Variants in SMAP2 observed in about 807,000 individuals in gnomAD.
SMAP2 encodes stromal membrane-associated protein 2.
In SMAP2, 25 loss-of-function variants were observed where a neutral mutation model predicts 56.4. That is an observed-to-expected ratio of 0.44 (90% CI 0.32 to 0.62). The LOEUF (loss-of-function observed/expected upper bound fraction) is 0.62. SMAP2 is among the 20% of genes least tolerant of loss of function. The probability of loss-of-function intolerance (pLI) is 0.04; values close to 1 mark genes in which losing one functional copy is unlikely to be tolerated. For synonymous variants in SMAP2, 157 were observed against 181.7 expected (o/e 0.86, Z 1.09); for missense variants, 388 against 545.6 (o/e 0.71, Z 2.88).
rs560594679 is a variant in SMAP2, at chr1:40,380,934, T to C, written c.103+6711T>C. Among the ~76,000 whole-genome samples the C allele has an allele frequency of 1.2e-3, 180 of 152,320 alleles. 1 individual carries two copies. Among genetic ancestry groups the C allele is most frequent in the African/African-American group, 3.9e-3 (162 of 41,564 alleles). ...GCCTTTCTCTAGCCAAGATCACATA[T>C]ATTTCTGGTTTTTTATAGCTAGTGC... On this transcript the variant is annotated intron_variant, in intron 1 of 9. Transcript: ENST00000372718.
At chr1:40,389,952 A>G (rs1475480762) in intron 1 of SMAP2, among the ~76,000 whole-genome samples, 1 of 120,048 alleles carries the variant, frequency 8.3e-6, no homozygotes, top group Non-Finnish European at 1.6e-5. Context: ...CCCTGAGTTC[A>G]TCTGCCTAAT....
chr1:40,390,920 AT>A (rs1383292951), intron 1 of SMAP2, among the ~76,000 whole-genome samples: 2 of 152,218 alleles, frequency 1.3e-5, no homozygotes, highest in African/African-American at 4.8e-5. Flanking sequence ...AAATTGACAT[AT>A]TCTTATGTCT....
chr1:40,421,961 C>G lies in SMAP2; in HGVS notation c.1165-15C>G, dbSNP rs201420319. ...GCCCACAGCCTGGTCTGAAAGTCTCCTCTCTCCCTTTCAGATGACCCAGCA... is the reference window on the plus strand; with the variant it reads ...GCCCACAGCCTGGTCTGAAAGTCTCGTCTCTCCCTTTCAGATGACCCAGCA... On this transcript the variant is annotated splice_polypyrimidine_tract_variant and intron_variant, in intron 9 of 9. Coordinates refer to ENST00000372718, the MANE Select transcript of SMAP2 (RefSeq NM_022733.3). The G allele has an allele frequency of 6.8e-6, 11 of 1,614,030 alleles. No homozygotes were observed. Among genetic ancestry groups the G allele is most frequent in the Non-Finnish European group, 9.3e-6 (11 of 1,179,958 alleles).
At chr1:40,377,782 C>T (rs1350574199) in intron 1 of SMAP2, among the ~76,000 whole-genome samples, 3 of 152,152 alleles carry the variant, frequency 2.0e-5, no homozygotes, top group Non-Finnish European at 2.9e-5. Flanking sequence ...CTAAGCCACC[C>T]CGTCAGAGAC....
At chr1:40,417,201 A>G in intron 9 of SMAP2, 105 bp downstream of exon 9, 1 of 682,782 alleles carries the variant, frequency 1.5e-6, no homozygotes, top group Non-Finnish European at 2.4e-6. Flanking sequence ...TGTAGATGAG[A>G]TAATGTAAGA....
Position 40,396,973 on chromosome 1 carries a change from A to C in SMAP2, c.104-9763A>C, listed in dbSNP as rs184252953. On this transcript the variant is annotated intron_variant, in intron 1 of 9. Coordinates refer to ENST00000372718, the MANE Select transcript of SMAP2 (RefSeq NM_022733.3). ...TCCAAATTTTGGGTCAGAGTTAATG[A>C]CAAGTTATGTCACGTAGAATTAATC... is the stretch of plus-strand genomic sequence containing the variant. 6 of 334,320 alleles carry C rather than the reference A, an allele frequency of 1.8e-5. No homozygotes were observed. In the Admixed American group the frequency reaches 3.2e-4, roughly 18 times the overall value. The allele number at this position is 334,320 out of a possible 1,614,324, so 20.7% of individuals were successfully genotyped here.
chr1:40,414,381 T>G (rs976496175), intron 6 of SMAP2, 141 bp downstream of exon 6: 3 of 769,318 alleles, frequency 3.9e-6, no homozygotes, highest in Non-Finnish European at 6.4e-6. Flanking sequence ...CTGATCTGTT[T>G]TACATCTGAG....
chr1:40,373,985 G>C lies in SMAP2; in HGVS notation c.-136G>C. 1.6e-6 allele frequency: 1 copy of C among 638,796 alleles called. No homozygotes were observed. The allele number at this position is 638,796 out of a possible 1,614,324, so 39.6% of individuals were successfully genotyped here. On this transcript the variant is annotated 5_prime_UTR_variant, in exon 1 of 10. Transcript: ENST00000372718. ...CGACCCGGGAAGGGGCGTCCGGCGG[G>C]GCCGGAGGAGAGGGCTCTCCCCGCT...
chr1:40,413,014 A>G lies in SMAP2; in HGVS notation c.403-2A>G. 6.2e-7 allele frequency: 1 copy of G among 1,606,152 alleles called. No homozygotes were observed. Among genetic ancestry groups the G allele is most frequent in the Non-Finnish European group, 8.5e-7 (1 of 1,175,820 alleles). Reference sequence around the variant, plus strand: ...GTTCTTTGTCTTGTTAAATCATTATAGAAAGAAAAAGATGACAAGTGGAAA... The same window carrying G: ...GTTCTTTGTCTTGTTAAATCATTATGGAAAGAAAAAGATGACAAGTGGAAA... On this transcript the variant is annotated splice_acceptor_variant, in intron 4 of 9. Coordinates refer to ENST00000372718, the MANE Select transcript of SMAP2 (RefSeq NM_022733.3). LOFTEE classifies it high-confidence loss of function.
intron 1 of SMAP2, among the ~76,000 whole-genome samples, chr1:40,402,383 T>G (rs1407360199): frequency 6.6e-6 from 1 of 152,228 alleles, no homozygotes; most frequent in Non-Finnish European, 1.5e-5. Context: ...TATGGTAGAT[T>G]ATTATTTACT....
chr1:40,354,206 A>T (rs1557821252), intron 1 of SMAP2, among the ~76,000 whole-genome samples: 1 of 152,186 alleles, frequency 6.6e-6, no homozygotes, highest in Non-Finnish European at 1.5e-5. Context: ...ACAAGCAGAG[A>T]AAAATCCAGA....
intron 1 of SMAP2, among the ~76,000 whole-genome samples, chr1:40,391,249 GTTA>G (rs1264200336): frequency 6.6e-6 from 1 of 152,212 alleles, no homozygotes; most frequent in Non-Finnish European, 1.5e-5. Context: ...CAGTTTTCAT[GTTA>G]TTCCACTATT....
rs538810973 is a variant in SMAP2, at chr1:40,415,525, AT to A, written c.681+147del. ...TTCATTCTTCCCTTAACATTGTGTC[AT>A]TTCTGTCACAGTCTAAGATTGCTGT... On this transcript the variant is annotated intron_variant, in intron 7 of 9. Transcript: ENST00000372718. The A allele has an allele frequency of 2.1e-4, 146 of 679,932 alleles. No individual in the cohort carries two copies. In the African/African-American group the frequency reaches 2.3e-3, roughly 11 times the overall value. 42.1% of individuals were successfully genotyped at this position (679,932 alleles called of 1,614,324 possible).
chr1:40,349,647 T>A (rs1405168281), intron 1 of SMAP2, among the ~76,000 whole-genome samples: 3 of 152,068 alleles, frequency 2.0e-5, no homozygotes, highest in African/African-American at 7.2e-5. Context: ...GCCTCCCGAG[T>A]AGCTGGGATT....
At chr1:40,421,511 T>C (rs79157353) in intron 9 of SMAP2, among the ~76,000 whole-genome samples, 1 of 151,998 alleles carries the variant, frequency 6.6e-6, no homozygotes, top group Non-Finnish European at 1.5e-5. Flanking sequence ...TTCCTTTTTT[T>C]CCCCCTTGTG....
intron 1 of SMAP2, among the ~76,000 whole-genome samples, chr1:40,357,362 G>A (rs1232187853): frequency 6.6e-6 from 1 of 152,064 alleles, no homozygotes; most frequent in Non-Finnish European, 1.5e-5. Context: ...GGCTGAGGCA[G>A]GAGAATTCCT....
chr1:40,405,583 G>C (rs953817034), intron 1 of SMAP2, among the ~76,000 whole-genome samples: 1 of 152,322 alleles, frequency 6.6e-6, no homozygotes, highest in East Asian at 1.9e-4. Flanking sequence ...CGTTCCAAGC[G>C]TAGGCCCTGT....
At position 40,394,975 on chromosome 1, in the gene SMAP2, C is replaced by T. The variant is rs115279065; in HGVS notation, c.104-11761C>T. 6.6e-3 allele frequency among the ~76,000 whole-genome samples: 1,000 copies of T among 152,204 alleles called. 7 individuals are homozygous for T. The highest frequency in any genetic ancestry group is 0.01 in the Non-Finnish European group (690 of 68,024). ...ATTCCTCTGTGAGTCAGGAACATGACAAGTGGCATCTATATACACAGTTTT... is the reference window on the plus strand; with the variant it reads ...ATTCCTCTGTGAGTCAGGAACATGATAAGTGGCATCTATATACACAGTTTT... On this transcript the variant is annotated intron_variant, in intron 1 of 9. Transcript: ENST00000372718.
upstream of SMAP2, among the ~76,000 whole-genome samples, chr1:40,372,928 G>T (rs1197431443): frequency 6.6e-6 from 1 of 152,212 alleles, no homozygotes; most frequent in Non-Finnish European, 1.5e-5. Context: ...ATGGCAGGTG[G>T]ATCCCTAAGG....
Sources: gnomAD v4.1 joint callset for allele counts (sites outside exome capture counted in the v4.1 genomes callset) on GRCh38, gnomAD v4.1.1 for gene constraint, MANE v1.5 for transcripts, NCBI Gene and HGNC (gene_info 2026-07-23, HGNC 2026-07-21) for gene names.